ESRRG: variants seen among roughly 807,000 people sequenced by gnomAD.
ESRRG encodes estrogen-related receptor gamma.
In ESRRG, 13 loss-of-function variants were observed where a neutral mutation model predicts 44.0. The observed-to-expected ratio is 0.30, with a 90% CI of 0.19 to 0.47. ESRRG has a LOEUF of 0.47. ESRRG is among the 20% of genes least tolerant of loss of function. The pLI is 1.00. For synonymous variants in ESRRG, 215 were observed against 214.6 expected (o/e 1.00, Z -0.02); for missense variants, 395 against 580.6 (o/e 0.68, Z 3.29).
chr1:216,603,695 G>A (rs977673360), intron 3 of ESRRG, among the ~76,000 whole-genome samples: 2 of 152,120 alleles, frequency 1.3e-5, no homozygotes, highest in Admixed American at 6.5e-5. Context: ...TTGGGAGGCC[G>A]AGGCAGGTGG....
chr1:217,009,069 C>CA (rs1312323989), intron 1 of ESRRG, among the ~76,000 whole-genome samples: 2 of 152,248 alleles, frequency 1.3e-5, no homozygotes, highest in Admixed American at 6.5e-5. Context: ...TATTTTACAG[C>CA]TCAATATGTC....
chr1:216,674,560 T>C (rs571908133), intron 2 of ESRRG, among the ~76,000 whole-genome samples: 178 of 152,134 alleles, frequency 1.2e-3, no homozygotes, highest in African/African-American at 4.1e-3. Flanking sequence ...TAGGATTAAG[T>C]ATCTCATCTA....
At chr1:216,940,075 T>C (rs912500481) in intron 1 of ESRRG, among the ~76,000 whole-genome samples, 2 of 152,212 alleles carry the variant, frequency 1.3e-5, no homozygotes, top group African/African-American at 2.4e-5. Flanking sequence ...ACTTTTTACT[T>C]ACTTCACATT....
At chr1:216,786,169 A>T (rs1294772376) in intron 2 of ESRRG, among the ~76,000 whole-genome samples, 4 of 152,064 alleles carry the variant, frequency 2.6e-5, no homozygotes, top group African/African-American at 7.2e-5. Context: ...GTACTAAGGG[A>T]TTCTCTCTTC....
rs528747444 is a variant in ESRRG, at chr1:216,742,638, G to T, written c.-13-65147C>A. Among the ~76,000 whole-genome samples the T allele has an allele frequency of 8.0e-4, 121 of 151,804 alleles. 1 individual carries two copies. Among genetic ancestry groups the T allele is most frequent in the African/African-American group, 2.8e-3 (116 of 41,368 alleles). ...CTCAATAAATGACAGCTAAATGAAT[G>T]ACTGATTTCTTAATCTTTCCATTCC... On this transcript the variant is annotated intron_variant, in intron 2 of 7. Transcript: ENST00000359162.
chr1:216,567,573 T>TTG (rs2059911561), intron 4 of ESRRG, among the ~76,000 whole-genome samples: 1 of 152,174 alleles, frequency 6.6e-6, no homozygotes, highest in Admixed American at 6.6e-5. Context: ...TCAAATTCAT[T>TTG]TAGTTAGTGA....
intron 6 of ESRRG, among the ~76,000 whole-genome samples, chr1:216,509,123 G>A (rs922622571): frequency 1.3e-5 from 2 of 152,140 alleles, no homozygotes; most frequent in Non-Finnish European, 2.9e-5. Flanking sequence ...AAGACACGTG[G>A]CACTGGTAAT....
intron 1 of ESRRG, among the ~76,000 whole-genome samples, chr1:217,054,229 T>C (rs573283574): frequency 6.6e-6 from 1 of 152,282 alleles, no homozygotes; most frequent in South Asian, 2.1e-4. Context: ...CCTCCTGTAC[T>C]TGACAGCCAG....
chr1:216,803,657 C>T (rs942172621), intron 2 of ESRRG, among the ~76,000 whole-genome samples: 3 of 152,088 alleles, frequency 2.0e-5, no homozygotes, highest in Non-Finnish European at 4.4e-5. Flanking sequence ...TCTGTCGAGC[C>T]TCTGCCTTTG....
At chr1:216,631,524 A>T (rs2150703224) in intron 3 of ESRRG, among the ~76,000 whole-genome samples, 1 of 152,296 alleles carries the variant, frequency 6.6e-6, no homozygotes, top group Non-Finnish European at 1.5e-5. Context: ...TAAACAGCCC[A>T]GGCTCTCTAA....
intron 2 of ESRRG, among the ~76,000 whole-genome samples, chr1:216,674,783 A>G (rs2075805420): frequency 6.6e-6 from 1 of 151,718 alleles, no homozygotes; most frequent in African/African-American, 2.4e-5. Flanking sequence ...CTAATTTGTA[A>G]ATTTTTTATA....
intron 2 of ESRRG, among the ~76,000 whole-genome samples, chr1:216,802,162 T>C (rs1478941133): frequency 6.6e-6 from 1 of 152,122 alleles, no homozygotes; most frequent in East Asian, 1.9e-4. Flanking sequence ...TGTGATGCTA[T>C]GTGGAAAGCC....
intron 2 of ESRRG, among the ~76,000 whole-genome samples, chr1:216,745,210 G>T (rs1446999103): frequency 6.6e-6 from 1 of 152,064 alleles, no homozygotes; most frequent in Non-Finnish European, 1.5e-5. Flanking sequence ...CCAGGCTGGA[G>T]TGCAGTGGCA....
At chr1:217,133,551 C>T (rs898138002) in intron 1 of ESRRG, among the ~76,000 whole-genome samples, 1 of 152,256 alleles carries the variant, frequency 6.6e-6, no homozygotes, top group African/African-American at 2.4e-5. Context: ...AAGTCCTGGG[C>T]TTTTCAAACT....
At chr1:216,819,662 A>G (rs1406632602) in intron 2 of ESRRG, among the ~76,000 whole-genome samples, 2 of 151,750 alleles carry the variant, frequency 1.3e-5, no homozygotes, top group African/African-American at 4.8e-5. Flanking sequence ...CATTGAATTG[A>G]TGGAAGCTAG....
In ESRRG at chr1:216,912,257, AGAGGAGAGGG is replaced by A. The variant is rs1560084867; in HGVS notation, c.-14+27315_-14+27324del. Among the ~76,000 whole-genome samples the A allele has an allele frequency of 3.3e-3, 159 of 48,368 alleles. 11 individuals are homozygous for A. The highest frequency in any genetic ancestry group is 0.011 in the African/African-American group (140 of 13,002). The allele number at this position is 48,368 out of a possible 152,430, so 31.7% of individuals were successfully genotyped here. ...AGAGGAGAGGAGAGGAGAGGAGAGG[AGAGGAGAGGG>A]GAGGGGAGGAGAGGGGAGGAGAGGA... On this transcript the variant is annotated intron_variant, in intron 2 of 7. Transcript: ENST00000359162.
intron 2 of ESRRG, among the ~76,000 whole-genome samples, chr1:216,654,388 G>A (rs2069861942): frequency 6.6e-6 from 1 of 152,036 alleles, no homozygotes; most frequent in African/African-American, 2.4e-5. Flanking sequence ...CACTTTGGGA[G>A]GCCAAGGAGG....
intron 3 of ESRRG, among the ~76,000 whole-genome samples, chr1:216,608,322 A>G (rs1437441658): frequency 6.6e-6 from 1 of 152,210 alleles, no homozygotes; most frequent in Admixed American, 6.5e-5. Context: ...TCATGTATGC[A>G]TAGTTGCCCT....
intron 1 of ESRRG, among the ~76,000 whole-genome samples, chr1:217,116,318 A>G (rs936915558): frequency 1.3e-5 from 2 of 152,218 alleles, no homozygotes; most frequent in Non-Finnish European, 2.9e-5. Context: ...CAGAGTAAAA[A>G]GGTTTGCTGC....
Sources: gnomAD v4.1 joint callset for allele counts (sites outside exome capture counted in the v4.1 genomes callset) on GRCh38, gnomAD v4.1.1 for gene constraint, MANE v1.5 for transcripts, NCBI Gene and HGNC (gene_info 2026-07-23, HGNC 2026-07-21) for gene names.